The following CHUK variants were observed in gnomAD, a reference collection of about 807,000 sequenced individuals.
The protein encoded by CHUK is component of inhibitor of nuclear factor kappa B kinase complex.
A neutral mutation model predicts 104.8 loss-of-function variants in CHUK; 35 were observed. The ratio of observed to expected loss-of-function variants is 0.33; its 90% CI spans 0.26 to 0.44. The LOEUF (loss-of-function observed/expected upper bound fraction) is 0.44, where lower values mean the gene tolerates loss of function less well. Among genes scored for constraint, CHUK ranks in the 20% least tolerant of loss-of-function variants. The pLI is 1.00. For missense variants in CHUK, 663 were observed against 902.7 expected (o/e 0.73, Z 3.40); for synonymous variants, 276 against 291.9 (o/e 0.95, Z 0.56).
chr10:100,219,447 GGTAGT>G, intron 5 of CHUK, 88 bp from the exon 6 acceptor site: 1 of 807,900 alleles, frequency 1.2e-6, no homozygotes, highest in Admixed American at 1.9e-5. Context: ...CTGTAGACAG[GGTAGT>G]GGTGAGGACC....
At chr10:100,224,642 G>A (rs1211481790) in intron 2 of CHUK, among the ~76,000 whole-genome samples, 5 of 151,864 alleles carry the variant, frequency 3.3e-5, no homozygotes, top group African/African-American at 1.2e-4. Context: ...TTGCCATGTT[G>A]ACCGGGCTGG....
At chr10:100,221,253 A>G (rs1277425395) in intron 4 of CHUK, among the ~76,000 whole-genome samples, 5 of 152,104 alleles carry the variant, frequency 3.3e-5, no homozygotes, top group Non-Finnish European at 4.4e-5. Context: ...TGGCCAACAC[A>G]GTGAAACCCC....
At chr10:100,209,887 T>C (rs1845684175) in intron 9 of CHUK, 98 bp from the exon 10 acceptor site, 2 of 642,440 alleles carry the variant, frequency 3.1e-6, no homozygotes. Flanking sequence ...AAAGGCATTA[T>C]TTCTACATTA....
At chr10:100,203,693 T>A (rs986374534) in intron 13 of CHUK, among the ~76,000 whole-genome samples, 1 of 152,138 alleles carries the variant, frequency 6.6e-6, no homozygotes, top group African/African-American at 2.4e-5. Flanking sequence ...CCTTAGTACA[T>A]CTGAAGGAGA....
Position 100,229,587 on chromosome 10 carries a change from G to C in CHUK, c.-55C>G. ...CACAGTTGTTCCAAGGCCGGTTCCG[G>C]GCCGCCGATGCTCGCGCGTCTTTGT... On this transcript the variant is annotated 5_prime_UTR_variant, in exon 1 of 21. Transcript: ENST00000370397. The C allele has an allele frequency of 9.4e-7, 1 of 1,059,166 alleles. No individual in the cohort carries two copies. Among genetic ancestry groups the C allele is most frequent in the South Asian group, 1.5e-5 (1 of 68,812 alleles). The allele number at this position is 1,059,166 out of a possible 1,614,324, so 65.6% of individuals were successfully genotyped here.
At chr10:100,188,255 T>TAC (rs1333875037), downstream of CHUK, 4 of 152,566 alleles carry the variant, frequency 2.6e-5, no homozygotes, top group African/African-American at 9.6e-5. Flanking sequence ...CTAAGGAAAG[T>TAC]ACAGTTATTC....
chr10:100,228,118 T>TAC (rs1379804874), intron 1 of CHUK, among the ~76,000 whole-genome samples: 1 of 152,246 alleles, frequency 6.6e-6, no homozygotes, highest in Non-Finnish European at 1.5e-5. Flanking sequence ...TATTTAGCTT[T>TAC]ACACACATTA....
intron 9 of CHUK, among the ~76,000 whole-genome samples, chr10:100,211,672 C>G (rs531962381): frequency 6.6e-6 from 1 of 152,258 alleles, no homozygotes; most frequent in East Asian, 1.9e-4. Flanking sequence ...CCTTCTTTTT[C>G]TTAAGGTTGA....
intron 15 of CHUK, among the ~76,000 whole-genome samples, 164 bp from the exon 16 acceptor site, chr10:100,200,184 C>G (rs1046479938): frequency 6.6e-6 from 1 of 152,150 alleles, no homozygotes; most frequent in African/African-American, 2.4e-5. Context: ...AAGAACTATA[C>G]AAGTTCTTAA....
intron 9 of CHUK, among the ~76,000 whole-genome samples, chr10:100,216,223 G>A (rs1662754696): frequency 6.6e-6 from 1 of 152,174 alleles, no homozygotes; most frequent in African/African-American, 2.4e-5. Context: ...AAACAAATGC[G>A]AGATGTGGTT....
intron 16 of CHUK, among the ~76,000 whole-genome samples, chr10:100,198,516 C>T (rs1255945807): frequency 6.6e-6 from 1 of 152,250 alleles, no homozygotes; most frequent in African/African-American, 2.4e-5. Flanking sequence ...AGGTGAAAGC[C>T]ATTTTATGTT....
At chr10:100,225,744 A>T (rs1846090174) in intron 2 of CHUK, among the ~76,000 whole-genome samples, 179 bp downstream of exon 2, 1 of 152,176 alleles carries the variant, frequency 6.6e-6, no homozygotes, top group South Asian at 2.1e-4. Context: ...GCTGATTTTA[A>T]CTAAACCTTC....
At chr10:100,204,964 G>C (rs1845556477) in intron 12 of CHUK, 112 bp downstream of exon 12, 1 of 1,195,216 alleles carries the variant, frequency 8.4e-7, no homozygotes, top group African/African-American at 1.5e-5. Context: ...ACTTCAAATT[G>C]GCCCAGTATG....
chr10:100,200,978 G>A (rs1298526916), intron 14 of CHUK, among the ~76,000 whole-genome samples, 198 bp from the exon 15 acceptor site: 1 of 152,114 alleles, frequency 6.6e-6, no homozygotes, highest in Non-Finnish European at 1.5e-5. Context: ...AACATACTTA[G>A]TCTTAGTCTT....
At chr10:100,200,821 C>G (rs370836915) in intron 14 of CHUK, 41 bp from the exon 15 acceptor site, 3 of 1,090,718 alleles carry the variant, frequency 2.8e-6, no homozygotes, top group Admixed American at 1.7e-5. Context: ...AAAGGCTTAC[C>G]ACTACATCAT....
At chr10:100,195,011 C>T (rs1240848031) in intron 16 of CHUK, 1 of 154,390 alleles carries the variant, frequency 6.5e-6, no homozygotes, top group African/African-American at 2.4e-5. Flanking sequence ...GAAAAAAGCT[C>T]ATTGAAACCA....
chr10:100,228,831 C>T (rs1264071426), intron 1 of CHUK, among the ~76,000 whole-genome samples: 2 of 152,138 alleles, frequency 1.3e-5, no homozygotes, highest in East Asian at 3.9e-4. Flanking sequence ...AAGCCATGCT[C>T]TGCACCAACT....
At chr10:100,204,164 T>C (rs1469147962) in intron 13 of CHUK, among the ~76,000 whole-genome samples, 3 of 152,216 alleles carry the variant, frequency 2.0e-5, no homozygotes, top group South Asian at 2.1e-4. Flanking sequence ...TTTCAACATA[T>C]GTATTTTGGG....
rs201525864 is a variant in CHUK at position 100,200,049 on chromosome 10, G to A, written c.1680-29C>T. The A allele has an allele frequency of 2.0e-4, 312 of 1,540,736 alleles. 1 individual carries two copies. The highest frequency in any genetic ancestry group is 6.4e-5 in the Non-Finnish European group (71 of 1,113,562). ...TAAAAGAGAAAACACGCTCTGATAA[G>A]TGAAGGTAATTTAATGACTTCAATA... is the stretch of plus-strand genomic sequence containing the variant. On this transcript the variant is annotated intron_variant, in intron 15 of 20. Transcript: ENST00000370397.
Sources: gnomAD v4.1 joint callset for allele counts (sites outside exome capture counted in the v4.1 genomes callset) on GRCh38, gnomAD v4.1.1 for gene constraint, MANE v1.5 for transcripts, NCBI Gene and HGNC (gene_info 2026-07-23, HGNC 2026-07-21) for gene names.